Variants in NCKAP5 observed in about 807,000 individuals in gnomAD.
NCKAP5 encodes NCK associated protein 5.
Under a neutral mutation model 167.0 loss-of-function variants are expected in NCKAP5, and 92 were observed. That is an observed-to-expected ratio of 0.55 (90% CI 0.47 to 0.66). The LOEUF (loss-of-function observed/expected upper bound fraction) is 0.66. Among genes scored for constraint, NCKAP5 ranks in the 30% least tolerant of loss-of-function variants. The probability of loss-of-function intolerance (pLI) is 0.00; values close to 1 mark genes in which losing one functional copy is unlikely to be tolerated. For synonymous variants in NCKAP5, 891 were observed against 877.4 expected (o/e 1.02, Z -0.27); for missense variants, 2,378 against 2,315.0 (o/e 1.03, Z -0.56).
At chr2:133,347,791 T>A (rs1234330241) in intron 3 of NCKAP5, among the ~76,000 whole-genome samples, 1 of 152,140 alleles carries the variant, frequency 6.6e-6, no homozygotes, top group Non-Finnish European at 1.5e-5. Flanking sequence ...CCCTGAAAAT[T>A]GCTTTCTGAC....
intron 19 of NCKAP5, among the ~76,000 whole-genome samples, chr2:132,718,353 T>C (rs1028541825): frequency 6.6e-6 from 1 of 152,220 alleles, no homozygotes. Context: ...GAGCGAAAGT[T>C]TTCAACCTTT....
At chr2:133,442,786 C>A (rs1018804354) in intron 3 of NCKAP5, among the ~76,000 whole-genome samples, 2 of 152,230 alleles carry the variant, frequency 1.3e-5, no homozygotes, top group Non-Finnish European at 2.9e-5. Flanking sequence ...CATGACAGCA[C>A]CAGTGCCAGA....
chr2:132,945,816 C>A (rs575320056), intron 8 of NCKAP5, among the ~76,000 whole-genome samples: 9 of 152,106 alleles, frequency 5.9e-5, no homozygotes, highest in Non-Finnish European at 1.0e-4. Context: ...AAGTACATCC[C>A]CAAACTTAGT....
At chr2:132,721,284 G>A (rs1300008730) in intron 19 of NCKAP5, among the ~76,000 whole-genome samples, 1 of 152,108 alleles carries the variant, frequency 6.6e-6, no homozygotes, top group Non-Finnish European at 1.5e-5. Context: ...CTCCAGCCTG[G>A]GTGACAGAAC....
At chr2:132,829,825 C>T (rs1687393893) in intron 11 of NCKAP5, among the ~76,000 whole-genome samples, 2 of 152,174 alleles carry the variant, frequency 1.3e-5, no homozygotes. Context: ...TTGAGAACCA[C>T]TGATTCTGAG....
intron 5 of NCKAP5, among the ~76,000 whole-genome samples, chr2:133,144,996 T>C (rs2083136444): frequency 6.6e-6 from 1 of 152,158 alleles, no homozygotes; most frequent in African/African-American, 2.4e-5. Flanking sequence ...GATGATAATT[T>C]AGCCATACAG....
chr2:133,608,490 C>T, the NCKAP5 span, among the ~76,000 whole-genome samples: 8 of 152,114 alleles, frequency 5.3e-5, no homozygotes, highest in Non-Finnish European at 1.2e-4. Flanking sequence ...CCTTTCTTGG[C>T]AAGGAAAGGA....
At chr2:133,357,124 G>C (rs1011656618) in intron 3 of NCKAP5, among the ~76,000 whole-genome samples, 3 of 152,172 alleles carry the variant, frequency 2.0e-5, no homozygotes, top group Admixed American at 6.5e-5. Flanking sequence ...TACTCAGAAG[G>C]GTCCCTATTA....
chr2:132,898,576 A>G (rs1435266158), intron 8 of NCKAP5, among the ~76,000 whole-genome samples: 2 of 152,232 alleles, frequency 1.3e-5, no homozygotes, highest in Non-Finnish European at 2.9e-5. Context: ...CTACTTAAAT[A>G]TAAGACTTGA....
the NCKAP5 span, among the ~76,000 whole-genome samples, chr2:133,588,314 CCCCTTCCTCCCCTCCCTTCCCTCCTTCTT>C: frequency 7.6e-6 from 1 of 131,756 alleles, no homozygotes. Flanking sequence ...TCCCTCCCTC[CCCCTTCCTCCCCTCCCTTCCCTCCTTCTT>C]CCCTTCCTTC....
chr2:133,033,738 G>A (rs530020185), intron 6 of NCKAP5, among the ~76,000 whole-genome samples: 2 of 152,084 alleles, frequency 1.3e-5, no homozygotes, highest in East Asian at 3.9e-4. Context: ...GAACACATCA[G>A]AGTCCTTTAA....
chr2:133,502,508 A>G (rs1461022562), intron 3 of NCKAP5, among the ~76,000 whole-genome samples: 1 of 152,164 alleles, frequency 6.6e-6, no homozygotes, highest in Non-Finnish European at 1.5e-5. Context: ...TAGATATCTC[A>G]CTGCTTGTCC....
At chr2:133,104,473 T>A (rs1220154006) in intron 6 of NCKAP5, among the ~76,000 whole-genome samples, 1 of 152,216 alleles carries the variant, frequency 6.6e-6, no homozygotes, top group South Asian at 2.1e-4. Flanking sequence ...AAGTGTGGAC[T>A]TCAGAATCTT....
At chr2:133,293,368 C>T (rs938818388) in intron 4 of NCKAP5, among the ~76,000 whole-genome samples, 2 of 152,182 alleles carry the variant, frequency 1.3e-5, no homozygotes, top group South Asian at 4.1e-4. Flanking sequence ...CTAGGCACCC[C>T]CTAATTAGAC....
chr2:132,807,581 A>G (rs1481873394), intron 11 of NCKAP5, among the ~76,000 whole-genome samples: 2 of 152,014 alleles, frequency 1.3e-5, no homozygotes, highest in East Asian at 3.9e-4. Context: ...TATATAAAAG[A>G]ACAACTGATT....
At chr2:133,384,842 C>T (rs945910143) in intron 3 of NCKAP5, among the ~76,000 whole-genome samples, 7 of 152,104 alleles carry the variant, frequency 4.6e-5, no homozygotes, top group Admixed American at 1.3e-4. Flanking sequence ...CATGATTTGG[C>T]TGTTTGTCTG....
chr2:132,952,355 G>C (rs2076213655), intron 8 of NCKAP5, among the ~76,000 whole-genome samples: 1 of 152,114 alleles, frequency 6.6e-6, no homozygotes, highest in Admixed American at 6.5e-5. Flanking sequence ...TATTTATGCA[G>C]ATTAATTCTT....
the NCKAP5 span, among the ~76,000 whole-genome samples, chr2:133,665,336 C>T: frequency 3.3e-5 from 5 of 152,204 alleles, no homozygotes; most frequent in African/African-American, 1.2e-4. Context: ...TTCACTTGAA[C>T]ACTTTACAGC....
At chr2:133,505,034 C>T (rs1682877747) in intron 3 of NCKAP5, among the ~76,000 whole-genome samples, 2 of 152,242 alleles carry the variant, frequency 1.3e-5, no homozygotes, top group South Asian at 4.1e-4. Context: ...GAGCATGGTG[C>T]CTGGAGCAAG....
Sources: gnomAD v4.1 joint callset for allele counts (sites outside exome capture counted in the v4.1 genomes callset) on GRCh38, gnomAD v4.1.1 for gene constraint, MANE v1.5 for transcripts, NCBI Gene and HGNC (gene_info 2026-07-23, HGNC 2026-07-21) for gene names.